ZNF382: variants seen among roughly 807,000 people sequenced by gnomAD.
ZNF382 encodes the protein zinc finger protein 382.
Under a neutral mutation model 38.8 loss-of-function variants are expected in ZNF382, and 20 were observed. The observed-to-expected ratio is 0.51, with a 90% CI of 0.36 to 0.75. The LOEUF (loss-of-function observed/expected upper bound fraction) is 0.75. Ranked by LOEUF, ZNF382 falls within the 30% of genes least tolerant of loss-of-function variation. ZNF382 has a pLI of 0.00. For synonymous variants in ZNF382, 202 were observed against 223.1 expected, an observed-to-expected ratio of 0.91 and a Z score of 0.84; for missense variants, 546 against 654.1, an observed-to-expected ratio of 0.83 and a Z score of 1.80.
intron 1 of ZNF382, among the ~76,000 whole-genome samples, chr19:36,606,517 G>A (rs1225025679): frequency 6.6e-6 from 1 of 151,518 alleles, no homozygotes; most frequent in East Asian, 2.0e-4. Context: ...CACCACGCTC[G>A]GCTAGTTTTT....
chr19:36,617,688 T>G (rs2037136225), intron 4 of ZNF382, among the ~76,000 whole-genome samples: 1 of 152,036 alleles, frequency 6.6e-6, no homozygotes, highest in Admixed American at 6.6e-5. Flanking sequence ...TTTATAGTTG[T>G]GGGAGGGGGC....
Position 36,609,964 on chromosome 19 carries a change from C to G in ZNF382, c.50C>G (p.Thr17Ser). The change falls in exon 3 of 5, where the codon ACC becomes AGC. Residue 17 changes from threonine (T) to serine (S), a missense_variant. Physicochemically the swap from Thr to Ser is moderately conservative, Grantham distance 58 (BLOSUM62 1). Transcript: ENST00000292928. Reference sequence around the variant, plus strand: ...TTCAAGGATGTGACTGTGGACTTCACCCAGGAGGAGTGGCAGCAACTAGAC... The same window carrying G: ...TTCAAGGATGTGACTGTGGACTTCAGCCAGGAGGAGTGGCAGCAACTAGAC... Reference protein sequence around the residue: ...VSFKDVTVDFTQEEWQQLDPA... With the variant: ...VSFKDVTVDFSQEEWQQLDPA... 6.2e-7 allele frequency: 1 copy of G among 1,613,926 alleles called. No individual in the cohort carries two copies. The highest frequency in any genetic ancestry group is 1.7e-5 in the Admixed American group (1 of 59,948).
Position 36,633,113 on chromosome 19 carries a change from A to G in ZNF382, c.*5563A>G, listed in dbSNP as rs1278861565. Reference sequence around the variant, plus strand: ...GGAGGCAGTGGCTCGATCTTGGCTCACTGTAAGCTCCGCCTCCTGGGTTCA... The same window carrying G: ...GGAGGCAGTGGCTCGATCTTGGCTCGCTGTAAGCTCCGCCTCCTGGGTTCA... On this transcript the variant is annotated 3_prime_UTR_variant, in exon 5 of 5. Transcript: ENST00000292928. The G allele has an allele frequency of 6.7e-6, 1 of 150,210 alleles. No homozygotes were observed. The highest frequency in any genetic ancestry group is 6.7e-5 in the Admixed American group (1 of 14,892). 9.3% of individuals were successfully genotyped at this position (150,210 alleles called of 1,614,324 possible).
intron 4 of ZNF382, among the ~76,000 whole-genome samples, chr19:36,618,071 A>G (rs910886207): frequency 1.3e-5 from 2 of 152,028 alleles, no homozygotes; most frequent in Non-Finnish European, 2.9e-5. Flanking sequence ...ATGGACCAGG[A>G]TTTTTTGTTC....
intron 2 of ZNF382, chr19:36,609,094 G>A (rs1250252973): frequency 1.3e-5 from 2 of 152,084 alleles, no homozygotes; most frequent in Non-Finnish European, 2.9e-5. Flanking sequence ...GTTTATTGAT[G>A]TTCTTTACAT....
At position 36,630,366 on chromosome 19, in the gene ZNF382, T is replaced by C. The variant is rs2037246094; in HGVS notation, c.*2816T>C. ...ATAAAGTTGCGTTTTCTTTTCTTTT[T>C]TTTTTTTTTTGAGACAGAGTTTCAC... On this transcript the variant is annotated 3_prime_UTR_variant, in exon 5 of 5. Transcript: ENST00000292928. 6.6e-6 allele frequency: 1 copy of C among 151,690 alleles called. No homozygotes were observed. The highest frequency in any genetic ancestry group is 1.5e-5 in the Non-Finnish European group (1 of 67,908). The allele number at this position is 151,690 out of a possible 1,614,324, so 9.4% of individuals were successfully genotyped here. A position where few individuals can be genotyped will look rare whatever the true frequency, so the allele number is the denominator to read the frequency against.
In ZNF382 at chr19:36,627,022, G is replaced by C. The variant is rs148103215; in HGVS notation, c.1125G>C (p.Thr375=). 29 of 1,609,702 alleles carry C rather than the reference G, an allele frequency of 1.8e-5. 2 individuals carry two copies. The highest frequency in any genetic ancestry group is 3.3e-4 in the Middle Eastern group (2 of 6,026). Residue 375 remains threonine (T), a synonymous_variant, in exon 5 of 5, where the codon ACG becomes ACC. Coordinates refer to ENST00000292928, the MANE Select transcript of ZNF382 (RefSeq NM_032825.5). ...TCACTAGACATCACAAAACACATAC[G>C]GGGGAGAAAGCCTATGAATGTCCTC... is the stretch of plus-strand genomic sequence containing the variant. ...ATLTRHHKTH[T]GEKAYECPQC...
intron 4 of ZNF382, among the ~76,000 whole-genome samples, chr19:36,614,875 T>TCTTC (rs1568628554): frequency 3.5e-4 from 47 of 133,982 alleles, no homozygotes; most frequent in African/African-American, 1.0e-3. Flanking sequence ...TTTCTTTCTT[T>TCTTC]CTTTCTTCCT....
rs2037155537 is a variant in ZNF382, at chr19:36,619,875, C to T, written c.233-6255C>T. Among the ~76,000 whole-genome samples, 5 of 152,090 alleles carry T rather than the reference C, an allele frequency of 3.3e-5. No individual in the cohort carries two copies. In the South Asian group the frequency reaches 1.0e-3, roughly 32 times the overall value. ...CCTCCTGAGTAGCTGGGACTGCAGG[C>T]ACCCACCACCATGCCCAGCTAATTT... On this transcript the variant is annotated intron_variant, in intron 4 of 4. Transcript: ENST00000292928.
chr19:36,624,875 G>C (rs1403574484), intron 4 of ZNF382, among the ~76,000 whole-genome samples: 1 of 150,742 alleles, frequency 6.6e-6, no homozygotes, highest in Non-Finnish European at 1.5e-5. Context: ...GACCAGCCTG[G>C]GCAACATAGG....
Position 36,626,592 on chromosome 19 carries a change from G to C in ZNF382, c.695G>C (p.Arg232Thr), listed in dbSNP as rs199543003. 3.1e-6 allele frequency: 5 copies of C among 1,614,142 alleles called. No individual in the cohort carries two copies. The African/African-American group carries it at 6.7e-5, about 22-fold the overall frequency. Residue 232 changes from arginine (R) to threonine (T), a missense_variant, in exon 5 of 5, where the codon AGA becomes ACA. Transcript: ENST00000292928. ...AAAGGAATGCTATTTACACATACTA[G>C]AGCTCACAGAGGAGAAAGAACCTTT... ...LMKGMLFTHT[R>T]AHRGERTFEY...
In ZNF382 at chr19:36,622,730, C is replaced by T. The variant is rs56162945; in HGVS notation, c.233-3400C>T. Among the ~76,000 whole-genome samples, 1,404 of 152,182 alleles carry T rather than the reference C, an allele frequency of 9.2e-3. 23 individuals carry two copies. Among genetic ancestry groups the T allele is most frequent in the African/African-American group, 0.032 (1,312 of 41,536 alleles). On this transcript the variant is annotated intron_variant, in intron 4 of 4. Transcript: ENST00000292928. ...TTACTGTCTGGCCAGCCAAAGACTC[C>T]CCAGCAAACAAATAAACTCCTATTA...
At position 36,627,575 on chromosome 19, in the gene ZNF382, A is replaced by G; in HGVS notation, c.*25A>G. The G allele has an allele frequency of 6.4e-7, 1 of 1,555,676 alleles. No individual in the cohort carries two copies. Among genetic ancestry groups the G allele is most frequent in the Non-Finnish European group, 8.8e-7 (1 of 1,131,864 alleles). ...AGTAATGTGGCTTTTTTTGTAAAAA[A>G]ATGTTAAGTCATAGTAAACCCTGTA... is the stretch of plus-strand genomic sequence containing the variant. On this transcript the variant is annotated 3_prime_UTR_variant, in exon 5 of 5. Coordinates refer to ENST00000292928, the MANE Select transcript of ZNF382 (RefSeq NM_032825.5).
chr19:36,622,484 G>A (rs570097443), intron 4 of ZNF382, among the ~76,000 whole-genome samples: 4 of 152,254 alleles, frequency 2.6e-5, no homozygotes, highest in Admixed American at 1.3e-4. Flanking sequence ...TCGCCCTATC[G>A]CCGTGGAGTC....
intron 4 of ZNF382, 55 bp from the exon 5 acceptor site, chr19:36,626,075 C>G (rs2037210206): frequency 3.7e-6 from 5 of 1,343,742 alleles, no homozygotes; most frequent in Non-Finnish European, 5.0e-6. Context: ...TGTATGTATA[C>G]CCAATCCATA....
chr19:36,610,149 AT>A, intron 3 of ZNF382, 96 bp downstream of exon 3: 9 of 1,485,000 alleles, frequency 6.1e-6, no homozygotes, highest in East Asian at 2.3e-5. Context: ...AGAGGTGATT[AT>A]TTTTTTGGCA....
Position 36,629,404 on chromosome 19 carries a change from C to T in ZNF382, c.*1854C>T, listed in dbSNP as rs2037239467. ...AACCATGTAAGTGAGGCCTCTTGGA[C>T]ATCCAGTCAAGCCTTCAGATGACTG... is the stretch of plus-strand genomic sequence containing the variant. On this transcript the variant is annotated 3_prime_UTR_variant, in exon 5 of 5. Transcript: ENST00000292928. The T allele has an allele frequency of 6.6e-6, 1 of 152,102 alleles. No homozygotes were observed. The highest frequency in any genetic ancestry group is 2.4e-5 in the African/African-American group (1 of 41,402). The allele number at this position is 152,102 out of a possible 1,614,324, so 9.4% of individuals were successfully genotyped here.
chr19:36,607,611 G>T lies in ZNF382; in HGVS notation c.-25G>T. ...AGAAAGTTCATCTAGAAATCTCAAA[G>T]CCATGTCTCAGGTGAGATGATGTTT... On this transcript the variant is annotated 5_prime_UTR_variant, in exon 2 of 5. Coordinates refer to ENST00000292928, the MANE Select transcript of ZNF382 (RefSeq NM_032825.5). 6.5e-7 allele frequency: 1 copy of T among 1,531,504 alleles called. No homozygotes were observed. Among genetic ancestry groups the T allele is most frequent in the Non-Finnish European group, 8.7e-7 (1 of 1,145,516 alleles). The allele number at this position is 1,531,504 out of a possible 1,614,324, so 94.9% of individuals were successfully genotyped here. A position where few individuals can be genotyped will look rare whatever the true frequency, so the allele number is the denominator to read the frequency against.
chr19:36,610,080 T>A, intron 3 of ZNF382, 27 bp downstream of exon 3: 1 of 1,609,260 alleles, frequency 6.2e-7, no homozygotes, highest in Non-Finnish European at 8.5e-7. Context: ...AATCTTTCAC[T>A]GTCATGCATC....
Sources: allele counts gnomAD v4.1 joint callset (sites outside exome capture counted in the v4.1 genomes callset), GRCh38; gene constraint gnomAD v4.1.1; transcripts MANE v1.5; gene names NCBI Gene and HGNC (gene_info 2026-07-23, HGNC 2026-07-21).